Variants in LGSN observed in about 807,000 individuals in gnomAD.
LGSN encodes lengsin, lens protein with glutamine synthetase domain.
A neutral mutation model predicts 19.5 loss-of-function variants in LGSN; 21 were observed. That is an observed-to-expected ratio of 1.07 (90% CI 0.76 to 1.55). The LOEUF is 1.55. Ranked by LOEUF, LGSN falls within the 40% of genes most tolerant of loss-of-function variation. The probability of loss-of-function intolerance (pLI) is 0.00; values close to 1 mark genes in which losing one functional copy is unlikely to be tolerated. For missense variants in LGSN, 673 were observed against 608.5 expected (o/e 1.11, Z -1.12); for synonymous variants, 257 against 215.6 (o/e 1.19, Z -1.68).
the LGSN span, among the ~76,000 whole-genome samples, chr6:63,551,892 A>G: frequency 6.6e-6 from 1 of 152,122 alleles, no homozygotes; most frequent in Non-Finnish European, 1.5e-5. Context: ...TTATGGCTGC[A>G]TAGTATTCCA....
chr6:63,432,233 T>A, the LGSN span, among the ~76,000 whole-genome samples: 4 of 140,774 alleles, frequency 2.8e-5, no homozygotes, highest in African/African-American at 7.9e-5. Context: ...GAAACAGCAT[T>A]AATGTAGCAC....
At chr6:63,399,879 T>A in the LGSN span, among the ~76,000 whole-genome samples, 1 of 152,080 alleles carries the variant, frequency 6.6e-6, no homozygotes, top group Non-Finnish European at 1.5e-5. Context: ...TTATTTATTT[T>A]TTGTAGAGAT....
At chr6:63,556,192 G>A in the LGSN span, among the ~76,000 whole-genome samples, 7 of 151,740 alleles carry the variant, frequency 4.6e-5, no homozygotes, top group African/African-American at 1.5e-4. Context: ...TATTTATTTT[G>A]AGACAGGCTC....
chr6:63,333,130 G>A, the LGSN span, among the ~76,000 whole-genome samples: 5 of 151,886 alleles, frequency 3.3e-5, no homozygotes, highest in South Asian at 2.1e-4. Flanking sequence ...GGACCCGAGC[G>A]GGTTCCCCCT....
the LGSN span, among the ~76,000 whole-genome samples, chr6:63,503,629 A>G: frequency 6.6e-6 from 1 of 152,184 alleles, no homozygotes; most frequent in African/African-American, 2.4e-5. Context: ...CAAAATGGTA[A>G]CAAGGCCAGG....
chr6:63,351,373 C>CTGTG, the LGSN span, among the ~76,000 whole-genome samples: 1 of 150,940 alleles, frequency 6.6e-6, no homozygotes, highest in Non-Finnish European at 1.5e-5. Context: ...ATAAATATCT[C>CTGTG]TGTGTGTGTG....
At chr6:63,393,690 C>T in the LGSN span, among the ~76,000 whole-genome samples, 2 of 152,198 alleles carry the variant, frequency 1.3e-5, no homozygotes, top group South Asian at 2.1e-4. Context: ...CCACTGCTGG[C>T]AGGTCTTTCT....
chr6:63,460,952 A>G, the LGSN span, among the ~76,000 whole-genome samples: 3 of 152,192 alleles, frequency 2.0e-5, no homozygotes, highest in Non-Finnish European at 4.4e-5. Context: ...ATCAAAGTCT[A>G]CACTGAATGT....
chr6:63,569,074 A>G, the LGSN span, among the ~76,000 whole-genome samples: 1 of 152,182 alleles, frequency 6.6e-6, no homozygotes, highest in African/African-American at 2.4e-5. Flanking sequence ...AGCCCCAACC[A>G]ATCTGAGAAG....
At chr6:63,334,124 G>A in the LGSN span, among the ~76,000 whole-genome samples, 5,055 of 152,200 alleles carry the variant, frequency 0.033, 286 homozygotes, top group African/African-American at 0.12. Context: ...CCTAGCCAGA[G>A]CATCAGTCAA....
chr6:63,412,416 A>AAAGAAAGAAAGAAAGAAAGAG, the LGSN span, among the ~76,000 whole-genome samples: 23 of 97,494 alleles, frequency 2.4e-4, no homozygotes, highest in African/African-American at 1.5e-3. Context: ...AGAAAGAAAG[A>AAAGAAAGAAAGAAAGAAAGAG]AGAAAGAAAG....
At chr6:63,499,122 T>C in the LGSN span, among the ~76,000 whole-genome samples, 1 of 152,140 alleles carries the variant, frequency 6.6e-6, no homozygotes, top group African/African-American at 2.4e-5. Flanking sequence ...CCAAAGTAAA[T>C]CAGTTCTGGT....
chr6:63,430,821 A>G, the LGSN span, among the ~76,000 whole-genome samples: 2 of 152,192 alleles, frequency 1.3e-5, no homozygotes, highest in Admixed American at 1.3e-4. Context: ...TGAACAAACT[A>G]TGATCCACTG....
At chr6:63,412,529 G>A in the LGSN span, among the ~76,000 whole-genome samples, 5,514 of 31,524 alleles carry the variant, frequency 0.17, 446 homozygotes, top group East Asian at 0.2. Context: ...AAAGAAAGAA[G>A]GAAAGAAAGA....
chr6:63,291,326 A>G (rs1321136943), intron 2 of LGSN, among the ~76,000 whole-genome samples: 2 of 152,118 alleles, frequency 1.3e-5, no homozygotes, highest in Non-Finnish European at 2.9e-5. Flanking sequence ...CCTTGTCCGG[A>G]GTCCAGGAAG....
At chr6:63,552,874 G>T in the LGSN span, among the ~76,000 whole-genome samples, 2 of 152,086 alleles carry the variant, frequency 1.3e-5, no homozygotes, top group Admixed American at 1.3e-4. Flanking sequence ...TGAGGGCTCT[G>T]TTCTGTATCT....
At chr6:63,554,940 A>T in the LGSN span, among the ~76,000 whole-genome samples, 4 of 152,300 alleles carry the variant, frequency 2.6e-5, no homozygotes, top group African/African-American at 7.2e-5. Flanking sequence ...AGAATCATAC[A>T]AAGAGACAAT....
the LGSN span, among the ~76,000 whole-genome samples, chr6:63,357,445 A>G: frequency 6.8e-6 from 1 of 146,478 alleles, no homozygotes; most frequent in East Asian, 2.0e-4. Flanking sequence ...TTACAGTCCC[A>G]CCAACAGTGT....
the LGSN span, among the ~76,000 whole-genome samples, chr6:63,409,686 T>C: frequency 6.6e-6 from 1 of 152,218 alleles, no homozygotes; most frequent in Non-Finnish European, 1.5e-5. Flanking sequence ...TGTGTTTTTA[T>C]ACAAACAGAC....
Sources: gnomAD v4.1 joint callset for allele counts (sites outside exome capture counted in the v4.1 genomes callset) on GRCh38, gnomAD v4.1.1 for gene constraint, MANE v1.5 for transcripts, NCBI Gene and HGNC (gene_info 2026-07-23, HGNC 2026-07-21) for gene names.